The following EPHX1 variants were observed in gnomAD, a reference collection of about 807,000 sequenced individuals.
The protein encoded by EPHX1 is epoxide hydrolase 1, also known as epoxide hydratase.
A neutral mutation model predicts 43.2 loss-of-function variants in EPHX1; 40 were observed. The observed-to-expected ratio is 0.93, with a 90% CI of 0.72 to 1.21. The LOEUF (loss-of-function observed/expected upper bound fraction) is 1.21, where lower values mean the gene tolerates loss of function less well. Ranked by LOEUF, EPHX1 falls within the 50% of genes most tolerant of loss-of-function variation. The pLI, the probability that EPHX1 is intolerant of heterozygous loss-of-function variation, is 0.00. For missense variants in EPHX1, 550 were observed against 570.4 expected, an observed-to-expected ratio of 0.96 and a Z score of 0.36; for synonymous variants, 221 against 226.7, an observed-to-expected ratio of 0.98 and a Z score of 0.22.
rs561809421 is a variant in EPHX1 at position 225,839,279 on chromosome 1, G to A, written c.655G>A (p.Glu219Lys). The change falls in exon 5 of 9, where the codon GAA becomes AAA. Residue 219 changes from glutamate to lysine, a missense_variant. Coordinates refer to ENST00000272167, the MANE Select transcript of EPHX1 (RefSeq NM_001136018.4). ...GCTGATGCTGCGGCTGGGCTTCCAG[G>A]AATTCTACATTCAAGGAGGGGACTG... is the stretch of plus-strand genomic sequence containing the variant. ...YKLMLRLGFQEFYIQGGDWGS... is the reference protein window; with the variant it reads ...YKLMLRLGFQKFYIQGGDWGS... The A allele has an allele frequency of 1.2e-6, 2 of 1,614,046 alleles. No individual in the cohort carries two copies. The highest frequency in any genetic ancestry group is 4.5e-5 in the East Asian group (2 of 44,866).
intron 1 of EPHX1, among the ~76,000 whole-genome samples, chr1:225,813,172 C>A (rs564259516): frequency 7.4e-4 from 113 of 152,304 alleles, no homozygotes; most frequent in Admixed American, 1.5e-3. Flanking sequence ...ACTCAGTGGG[C>A]CCTGTAGCCT....
chr1:225,815,980 C>G (rs1666706829), intron 1 of EPHX1, among the ~76,000 whole-genome samples: 1 of 152,240 alleles, frequency 6.6e-6, no homozygotes, highest in Admixed American at 6.5e-5. Context: ...ATAGGAGCCT[C>G]TCTCCACTCA....
Position 225,844,641 on chromosome 1 carries a change from G to A in EPHX1, c.1166+18G>A, listed in dbSNP as rs754622982. On this transcript the variant is annotated intron_variant, in intron 8 of 8. Coordinates refer to ENST00000272167, the MANE Select transcript of EPHX1 (RefSeq NM_001136018.4). ...CATGAGCGGTGAGCCTGGCTGAGCC[G>A]AGAACAGGGGCCTCTGAGGCTGGAG... 35 of 1,613,528 alleles carry A rather than the reference G, an allele frequency of 2.2e-5. No homozygotes were observed. Among genetic ancestry groups the A allele is most frequent in the African/African-American group, 1.2e-4 (9 of 75,052 alleles).
At chr1:225,845,007 C>A in intron 8 of EPHX1, 139 bp from the exon 9 acceptor site, 1 of 961,372 alleles carries the variant, frequency 1.0e-6, no homozygotes, top group Non-Finnish European at 1.6e-6. Context: ...CGGTTGAGAC[C>A]CTGGATTTGT....
At position 225,839,365 on chromosome 1, in the gene EPHX1, TG is replaced by T. The variant is rs377199624; in HGVS notation, c.722+21del. ...TGCCCAGGTGAGGTCACTGTTGGGG[TG>T]GTGTGTGTGTGTGTGTGTGTGTGTG... is the stretch of plus-strand genomic sequence containing the variant. On this transcript the variant is annotated intron_variant, in intron 5 of 8. Coordinates refer to ENST00000272167, the MANE Select transcript of EPHX1 (RefSeq NM_001136018.4). 6.7e-5 allele frequency: 102 copies of T among 1,525,680 alleles called. 1 individual carries two copies. The African/African-American group carries it at 1.4e-3, about 21-fold the overall frequency. The allele number at this position is 1,525,680 out of a possible 1,614,324, so 94.5% of individuals were successfully genotyped here. A position where few individuals can be genotyped will look rare whatever the true frequency, so the allele number is the denominator to read the frequency against.
chr1:225,844,356 C>G, intron 7 of EPHX1, 142 bp from the exon 8 acceptor site: 1 of 1,321,838 alleles, frequency 7.6e-7, no homozygotes, highest in South Asian at 1.2e-5. Context: ...GCCTGTGACA[C>G]GAGGATACCA....
At chr1:225,837,605 C>T (rs923761777) in intron 3 of EPHX1, among the ~76,000 whole-genome samples, 3 of 151,748 alleles carry the variant, frequency 2.0e-5, no homozygotes, top group Non-Finnish European at 4.4e-5. Context: ...GCAACCTCTG[C>T]TTCCCAGGTT....
At chr1:225,836,413 G>A (rs1667969028) in intron 3 of EPHX1, among the ~76,000 whole-genome samples, 1 of 152,134 alleles carries the variant, frequency 6.6e-6, no homozygotes, top group Non-Finnish European at 1.5e-5. Context: ...GGGCAACATA[G>A]CGAGACCCCT....
chr1:225,839,685 T>C (rs1242426127), intron 5 of EPHX1, 144 bp from the exon 6 acceptor site: 7 of 972,130 alleles, frequency 7.2e-6, no homozygotes, highest in Non-Finnish European at 1.1e-5. Context: ...CCAACTCCCA[T>C]GGCCTCCCCA....
intron 1 of EPHX1, among the ~76,000 whole-genome samples, chr1:225,821,727 A>AT (rs890597775): frequency 2.8e-5 from 4 of 144,416 alleles, no homozygotes; most frequent in African/African-American, 5.1e-5. Flanking sequence ...TGCCTGGCTA[A>AT]TTTTTTTTTA....
Position 225,838,644 on chromosome 1 carries a change from G to T in EPHX1, c.365-10G>T. The T allele has an allele frequency of 6.2e-7, 1 of 1,612,046 alleles. No homozygotes were observed. The highest frequency in any genetic ancestry group is 8.5e-7 in the Non-Finnish European group (1 of 1,178,316). On this transcript the variant is annotated splice_polypyrimidine_tract_variant and intron_variant, in intron 3 of 8. Transcript: ENST00000272167. Reference sequence around the variant, plus strand: ...TCTCCCTCCACCCTGACTGTGCTCTGTCCCCCCAGGGCTGGACATCCACTT... The same window carrying T: ...TCTCCCTCCACCCTGACTGTGCTCTTTCCCCCCAGGGCTGGACATCCACTT...
intron 1 of EPHX1, among the ~76,000 whole-genome samples, chr1:225,813,418 AGCAGTT>A (rs1486750295): frequency 6.6e-6 from 1 of 152,190 alleles, no homozygotes; most frequent in African/African-American, 2.4e-5. Flanking sequence ...AAGGCACCCC[AGCAGTT>A]CCCCCGTTAG....
In EPHX1 at chr1:225,817,102, G is replaced by A. The variant is rs1051517795; in HGVS notation, c.-6+6933G>A. ...AGCTGTTTTCCCAGGGCTTGGCTCC[G>A]GCGCTTGCACAGAGATAAACACGGC... On this transcript the variant is annotated intron_variant, in intron 1 of 8. Transcript: ENST00000272167. This position sits in a 1 kb window ranked among gnomAD's most constrained non-coding sequence, Gnocchi z 5.7. 1.3e-5 allele frequency among the ~76,000 whole-genome samples: 2 copies of A among 151,984 alleles called. No individual in the cohort carries two copies. The highest frequency in any genetic ancestry group is 4.2e-4 in the South Asian group (2 of 4,810).
intron 8 of EPHX1, 36 bp downstream of exon 8, chr1:225,844,659 G>A (rs1165336594): frequency 1.9e-6 from 3 of 1,612,644 alleles, no homozygotes; most frequent in East Asian, 4.5e-5. Flanking sequence ...GGGCCTCTGA[G>A]GCTGGAGGCA....
At chr1:225,840,987 A>C (rs1048612450) in intron 6 of EPHX1, 1 of 152,230 alleles carries the variant, frequency 6.6e-6, no homozygotes, top group Non-Finnish European at 1.5e-5. Flanking sequence ...CATTAAAGAC[A>C]ATCTCATATA....
intron 1 of EPHX1, among the ~76,000 whole-genome samples, chr1:225,814,314 T>C (rs1234797331): frequency 6.6e-6 from 1 of 152,130 alleles, no homozygotes; most frequent in Admixed American, 6.5e-5. Context: ...CAGGAGGATC[T>C]CTTGAGCCCA....
intron 5 of EPHX1, 151 bp from the exon 6 acceptor site, chr1:225,839,678 A>G (rs1668227637): frequency 1.1e-6 from 1 of 944,740 alleles, no homozygotes; most frequent in South Asian, 1.3e-5. Flanking sequence ...CCCTTCTCCA[A>G]CTCCCATGGC....
intron 1 of EPHX1, among the ~76,000 whole-genome samples, chr1:225,825,830 G>A (rs1433243937): frequency 6.6e-6 from 1 of 152,112 alleles, no homozygotes; most frequent in African/African-American, 2.4e-5. Context: ...CCTGTTGCTG[G>A]GGGAAGCTCT....
At chr1:225,812,326 C>T (rs1666521879) in intron 1 of EPHX1, among the ~76,000 whole-genome samples, 1 of 152,216 alleles carries the variant, frequency 6.6e-6, no homozygotes, top group African/African-American at 2.4e-5. Flanking sequence ...TGACAAGCCA[C>T]ATGCTCTCTG....
Sources: allele counts gnomAD v4.1 joint callset (sites outside exome capture counted in the v4.1 genomes callset), GRCh38; gene constraint gnomAD v4.1.1; non-coding constraint Gnocchi (gnomAD v3.1); transcripts MANE v1.5; gene names NCBI Gene and HGNC (gene_info 2026-07-23, HGNC 2026-07-21).